Variants in AP3B1 observed in about 807,000 individuals in gnomAD.
AP3B1 encodes adaptor related protein complex 3 subunit beta 1, also known as AP-3 complex subunit beta-1.
A neutral mutation model predicts 132.5 loss-of-function variants in AP3B1; 61 were observed. The observed-to-expected ratio is 0.46, with a 90% CI of 0.37 to 0.57. The LOEUF is 0.57. Among genes scored for constraint, AP3B1 ranks in the 20% least tolerant of loss-of-function variants. AP3B1 has a pLI of 0.00. For synonymous variants in AP3B1, 388 were observed against 438.3 expected (o/e 0.89, Z 1.43); for missense variants, 1,120 against 1,289.4 (o/e 0.87, Z 2.01).
At position 78,216,035 on chromosome 5, in the gene AP3B1, G is replaced by C; in HGVS notation, c.786+20C>G. 1.2e-6 allele frequency: 2 copies of C among 1,613,312 alleles called. No individual in the cohort carries two copies. The highest frequency in any genetic ancestry group is 1.7e-6 in the Non-Finnish European group (2 of 1,179,346). On this transcript the variant is annotated intron_variant, in intron 7 of 26. Transcript: ENST00000255194. ...CATTCTCTTAGTATACTTGAAAGTG[G>C]AAGACTGTTCAACACTTACCTCTTT...
intron 7 of AP3B1, among the ~76,000 whole-genome samples, chr5:78,189,329 T>C (rs1744731088): frequency 6.6e-6 from 1 of 152,190 alleles, no homozygotes; most frequent in Admixed American, 6.5e-5. Flanking sequence ...TTGAGTTCAC[T>C]TCCATAAGAA....
chr5:78,271,158 A>T (rs532736346), intron 1 of AP3B1, among the ~76,000 whole-genome samples: 2 of 152,232 alleles, frequency 1.3e-5, no homozygotes, highest in African/African-American at 2.4e-5. Context: ...ACAGTGGCTC[A>T]AGCCTGTAAT....
intron 22 of AP3B1, among the ~76,000 whole-genome samples, chr5:78,067,861 C>T (rs372581206): frequency 1.3e-5 from 2 of 151,718 alleles, no homozygotes; most frequent in African/African-American, 2.4e-5. Context: ...AACTAGAGAA[C>T]CAAGAGCAAA....
intron 22 of AP3B1, among the ~76,000 whole-genome samples, chr5:78,081,055 T>C (rs908069628): frequency 1.3e-5 from 2 of 152,152 alleles, no homozygotes; most frequent in Non-Finnish European, 2.9e-5. Flanking sequence ...GCCATAGATG[T>C]TGATTCAGGG....
At chr5:78,140,791 T>C (rs1315934236) in intron 15 of AP3B1, among the ~76,000 whole-genome samples, 1 of 152,240 alleles carries the variant, frequency 6.6e-6, no homozygotes, top group Non-Finnish European at 1.5e-5. Context: ...GCTTTCCTCT[T>C]TCTGTACAGT....
chr5:78,170,218 C>T (rs1247674807), intron 11 of AP3B1, among the ~76,000 whole-genome samples: 2 of 152,126 alleles, frequency 1.3e-5, no homozygotes, highest in South Asian at 2.1e-4. Context: ...AATAAACATA[C>T]GTGTGCATGT....
intron 14 of AP3B1, among the ~76,000 whole-genome samples, chr5:78,156,045 CA>C (rs1743134825): frequency 6.6e-6 from 1 of 152,134 alleles, no homozygotes; most frequent in Non-Finnish European, 1.5e-5. Flanking sequence ...CTGCTATCTC[CA>C]ATTCCAATCT....
intron 3 of AP3B1, among the ~76,000 whole-genome samples, chr5:78,231,807 A>G (rs1383758112): frequency 6.6e-6 from 1 of 152,246 alleles, no homozygotes; most frequent in African/African-American, 2.4e-5. Flanking sequence ...AATGTCTTAC[A>G]TAAATTAACT....
chr5:78,198,586 C>T (rs1745163960), intron 7 of AP3B1, among the ~76,000 whole-genome samples: 2 of 152,118 alleles, frequency 1.3e-5, no homozygotes, highest in Non-Finnish European at 2.9e-5. Context: ...CTAAAGTAAC[C>T]TGAGGCATTG....
At chr5:78,171,055 G>A (rs1196335036) in intron 11 of AP3B1, among the ~76,000 whole-genome samples, 1 of 152,064 alleles carries the variant, frequency 6.6e-6, no homozygotes, top group Non-Finnish European at 1.5e-5. Flanking sequence ...GATATGTGGT[G>A]TTATTTCTGA....
rs1744116566 is a variant in AP3B1 at position 78,175,655 on chromosome 5, T to C, written c.1138A>G (p.Thr380Ala). ...PYLKSFYVRS[T>A]DPTMIKTLKL... ...AGTGTCTTGATCATAGTTGGATCAG[T>C]TGACCTAACATAGAAACTCTTCAGA... The change falls in exon 11 of 27, where the codon ACT becomes GCT. Residue 380 changes from threonine to alanine, a missense_variant. Around this residue, in one of 3 missense-constraint regions of AP3B1, gnomAD observed 906 missense variants for 997.1 expected, o/e 0.91. Coordinates refer to ENST00000255194, the MANE Select transcript of AP3B1 (RefSeq NM_003664.5). 3 of 1,613,376 alleles carry C rather than the reference T, an allele frequency of 1.9e-6. No homozygotes were observed. The highest frequency in any genetic ancestry group is 2.5e-6 in the Non-Finnish European group (3 of 1,179,628).
chr5:78,283,040 T>G (rs1375600443), intron 1 of AP3B1, among the ~76,000 whole-genome samples: 1 of 152,106 alleles, frequency 6.6e-6, no homozygotes, highest in Admixed American at 6.5e-5. Context: ...AAACTTTAAA[T>G]GACTTTAATG....
intron 22 of AP3B1, chr5:78,043,730 C>A: frequency 2.4e-6 from 1 of 414,832 alleles, no homozygotes; most frequent in South Asian, 2.2e-5. Flanking sequence ...ACTACTTTCT[C>A]TGCCACAAGG....
At chr5:78,181,425 G>T in intron 8 of AP3B1, 82 bp downstream of exon 8, 1 of 1,313,610 alleles carries the variant, frequency 7.6e-7, no homozygotes, top group Non-Finnish European at 1.1e-6. Context: ...AGCACACACA[G>T]ACTCACTTAC....
At chr5:78,101,083 A>G in intron 20 of AP3B1, 58 bp from the exon 21 acceptor site, 4 of 1,060,636 alleles carry the variant, frequency 3.8e-6, no homozygotes, top group Non-Finnish European at 5.6e-6. Flanking sequence ...TCTGTGGAGT[A>G]GTCCTTAATA....
chr5:78,052,902 T>C (rs2112127696), intron 22 of AP3B1, among the ~76,000 whole-genome samples: 1 of 152,234 alleles, frequency 6.6e-6, no homozygotes, highest in East Asian at 1.9e-4. Context: ...TCTTTTTATA[T>C]TTCTTTTCTG....
chr5:78,018,862 T>C (rs544339028), intron 25 of AP3B1, among the ~76,000 whole-genome samples: 11 of 152,222 alleles, frequency 7.2e-5, no homozygotes, highest in African/African-American at 2.4e-4. Flanking sequence ...AACAAATACA[T>C]GTGTAAAGTT....
At chr5:78,144,844 G>T (rs78281450) in intron 14 of AP3B1, among the ~76,000 whole-genome samples, 1 of 151,902 alleles carries the variant, frequency 6.6e-6, no homozygotes. Context: ...TGTTGTTGTT[G>T]TTTTTTAAAG....
intron 2 of AP3B1, among the ~76,000 whole-genome samples, chr5:78,260,691 C>G (rs560656061): frequency 6.5e-4 from 98 of 151,822 alleles, no homozygotes; most frequent in African/African-American, 2.3e-3. Flanking sequence ...CATGCCTACA[C>G]AACTATTTTT....
Sources: gnomAD v4.1 joint callset for allele counts (sites outside exome capture counted in the v4.1 genomes callset) on GRCh38, gnomAD v4.1.1 for gene constraint, gnomAD v4.1.1 regional missense constraint, MANE v1.5 for transcripts, NCBI Gene and HGNC (gene_info 2026-07-23, HGNC 2026-07-21) for gene names.